Variants in TSHZ1 observed in about 807,000 individuals in gnomAD.
TSHZ1 encodes the protein teashirt homolog 1.
TSHZ1 carries 12 observed loss-of-function variants against 67.1 expected under a neutral mutation model. The ratio of observed to expected loss-of-function variants is 0.18; its 90% CI spans 0.11 to 0.29. The LOEUF (loss-of-function observed/expected upper bound fraction) is 0.29, where lower values mean the gene tolerates loss of function less well. Ranked by LOEUF, TSHZ1 falls within the 10% of genes least tolerant of loss-of-function variation. The pLI, the probability that TSHZ1 is intolerant of heterozygous loss-of-function variation, is 1.00. For missense variants in TSHZ1, 1,305 were observed against 1,413.9 expected (o/e 0.92, Z 1.23); for synonymous variants, 632 against 622.4 (o/e 1.02, Z -0.23).
At chr18:75,252,301 G>A (rs1412016040) in intron 1 of TSHZ1, among the ~76,000 whole-genome samples, 1 of 152,120 alleles carries the variant, frequency 6.6e-6, no homozygotes, top group Non-Finnish European at 1.5e-5. Flanking sequence ...ATTCCCACAA[G>A]TAAAATTACC....
chr18:75,274,472 T>C (rs2023593381), intron 1 of TSHZ1, among the ~76,000 whole-genome samples: 1 of 152,176 alleles, frequency 6.6e-6, no homozygotes, highest in Non-Finnish European at 1.5e-5. Context: ...AAGATTGTAT[T>C]CATTCCCCTG....
Position 75,288,798 on chromosome 18 carries a change from C to A in TSHZ1, c.*157C>A. ...CATATTTTGTATATTTATATGCTCTCTGTCCGATCTGTGCATGTTATTTTT... is the reference window on the plus strand; with the variant it reads ...CATATTTTGTATATTTATATGCTCTATGTCCGATCTGTGCATGTTATTTTT... On this transcript the variant is annotated 3_prime_UTR_variant, in exon 2 of 2. Coordinates refer to ENST00000580243, the MANE Select transcript of TSHZ1 (RefSeq NM_001308210.2). This position sits in a 1 kb window ranked among gnomAD's most constrained non-coding sequence, Gnocchi z 4.9. The A allele has an allele frequency of 8.3e-7, 1 of 1,209,374 alleles. No individual in the cohort carries two copies. Among genetic ancestry groups the A allele is most frequent in the Non-Finnish European group, 1.1e-6 (1 of 896,256 alleles). 74.9% of individuals were successfully genotyped at this position (1,209,374 alleles called of 1,614,324 possible).
intron 1 of TSHZ1, among the ~76,000 whole-genome samples, chr18:75,251,112 C>T (rs1244066207): frequency 6.6e-6 from 1 of 152,128 alleles, no homozygotes; most frequent in Non-Finnish European, 1.5e-5. Flanking sequence ...AAGTCAATTA[C>T]TGAAGAAAAA....
intron 1 of TSHZ1, among the ~76,000 whole-genome samples, chr18:75,227,081 C>T (rs1427601743): frequency 6.6e-6 from 1 of 152,156 alleles, no homozygotes; most frequent in Non-Finnish European, 1.5e-5. Context: ...GCCCCTGCAT[C>T]TCCCCACTTT....
At chr18:75,250,469 G>T (rs2023286416) in intron 1 of TSHZ1, among the ~76,000 whole-genome samples, 1 of 152,216 alleles carries the variant, frequency 6.6e-6, no homozygotes, top group Non-Finnish European at 1.5e-5. Context: ...CAGGGTGGGC[G>T]CAAGCCCTCC....
chr18:75,232,046 G>A (rs1304004518), intron 1 of TSHZ1, among the ~76,000 whole-genome samples: 1 of 151,966 alleles, frequency 6.6e-6, no homozygotes, highest in Non-Finnish European at 1.5e-5. Context: ...AGCCTCCCGA[G>A]TAGCTAGGAT....
At chr18:75,220,641 CTG>C (rs1358962499) in intron 1 of TSHZ1, among the ~76,000 whole-genome samples, 1 of 152,224 alleles carries the variant, frequency 6.6e-6, no homozygotes, top group Non-Finnish European at 1.5e-5. Flanking sequence ...GAAATCACAA[CTG>C]TGATGTTCTT....
intron 1 of TSHZ1, among the ~76,000 whole-genome samples, chr18:75,246,469 C>T (rs1171497329): frequency 4.8e-5 from 4 of 83,894 alleles, no homozygotes; most frequent in East Asian, 3.4e-4. Context: ...AGAGGTAGGT[C>T]ATATCCCTGT....
chr18:75,215,499 C>G (rs1053884888), intron 1 of TSHZ1, among the ~76,000 whole-genome samples: 9 of 152,166 alleles, frequency 5.9e-5, no homozygotes, highest in Non-Finnish European at 1.0e-4. Context: ...GTGGATATCT[C>G]AAATTTTGTC....
intron 1 of TSHZ1, among the ~76,000 whole-genome samples, chr18:75,238,314 T>C (rs892262143): frequency 6.6e-6 from 1 of 152,202 alleles, no homozygotes; most frequent in African/African-American, 2.4e-5. Flanking sequence ...TGACTCATGA[T>C]GGAACTCCCA....
chr18:75,286,493 C>T lies in TSHZ1; in HGVS notation c.1086C>T (p.Pro362=), dbSNP rs752188478. Residue 362 remains proline (P), a synonymous_variant, in exon 2 of 2, where the codon CCC becomes CCT. Transcript: ENST00000580243. This position sits in a 1 kb window ranked among gnomAD's most constrained non-coding sequence, Gnocchi z 5.1. ...KKRALQDLAP[P]CSPEPAGMAA... is the part of the protein sequence containing the mutation. ...GGGCGCTTCAGGACCTGGCGCCCCC[C>T]TGCTCCCCTGAGCCAGCAGGAATGG... 6.2e-7 allele frequency: 1 copy of T among 1,614,230 alleles called. No individual in the cohort carries two copies. Among genetic ancestry groups the T allele is most frequent in the Non-Finnish European group, 8.5e-7 (1 of 1,180,054 alleles).
intron 1 of TSHZ1, among the ~76,000 whole-genome samples, chr18:75,246,454 AAGAG>A (rs2023225689): frequency 1.8e-5 from 1 of 56,612 alleles, no homozygotes; most frequent in Non-Finnish European, 3.9e-5. Context: ...GTCAGAGAGA[AAGAG>A]AGAGGTAGGT....
At position 75,286,660 on chromosome 18, in the gene TSHZ1, G is replaced by A; in HGVS notation, c.1253G>A (p.Cys418Tyr). 1 of 1,614,224 alleles carries A rather than the reference G, an allele frequency of 6.2e-7. No individual in the cohort carries two copies. The highest frequency in any genetic ancestry group is 8.5e-7 in the Non-Finnish European group (1 of 1,180,036). ...GCCCGCAAGGCGCAGATCCTCAAGT[G>A]CATGGAGTGTGGCAGCTCCCACGAC... is the stretch of plus-strand genomic sequence containing the variant. ...FEARKAQILKCMECGSSHDTL... is the reference protein window; with the variant it reads ...FEARKAQILKYMECGSSHDTL... The change falls in exon 2 of 2, where the codon TGC becomes TAC. Residue 418 changes from cysteine to tyrosine, a missense_variant. By Grantham distance (194) the Cys-to-Tyr change is radical (BLOSUM62 -2). Transcript: ENST00000580243. The surrounding 1 kb of genome is among the most constrained non-coding windows in gnomAD (Gnocchi z 5.1).
chr18:75,261,771 G>C (rs1383056003), intron 1 of TSHZ1, among the ~76,000 whole-genome samples: 1 of 152,234 alleles, frequency 6.6e-6, no homozygotes, highest in Non-Finnish European at 1.5e-5. Context: ...GAAAAGACTT[G>C]CTATTGGGTA....
intron 1 of TSHZ1, among the ~76,000 whole-genome samples, chr18:75,279,619 G>A (rs917436779): frequency 7.2e-5 from 11 of 152,212 alleles, no homozygotes; most frequent in African/African-American, 2.7e-4. Flanking sequence ...TGGGGGACCT[G>A]GGGCAGAGCA....
chr18:75,257,632 G>GC (rs1456448643), intron 1 of TSHZ1, among the ~76,000 whole-genome samples: 2 of 151,992 alleles, frequency 1.3e-5, no homozygotes, highest in Admixed American at 6.6e-5. Context: ...AAAAAAAAAG[G>GC]CTGGTGTCTG....
Position 75,287,820 on chromosome 18 carries a change from A to T in TSHZ1, c.2413A>T (p.Asn805Tyr), listed in dbSNP as rs759826465. The change falls in exon 2 of 2, where the codon AAC (asparagine) becomes TAC (tyrosine). Residue 805 changes from asparagine to tyrosine, a missense_variant. Asn to Tyr is a moderately radical substitution (Grantham distance 143). Coordinates refer to ENST00000580243, the MANE Select transcript of TSHZ1 (RefSeq NM_001308210.2). The surrounding 1 kb of genome is among the most constrained non-coding windows in gnomAD (Gnocchi z 5.0). Reference sequence around the variant, plus strand: ...TGCCATCGACCGCTACTATTATGAAAACAGCGACCAGCCCATTGACTTAAC... The same window carrying T: ...TGCCATCGACCGCTACTATTATGAATACAGCGACCAGCCCATTGACTTAAC... ...ADAIDRYYYE[N>Y]SDQPIDLTKS... is the part of the protein sequence containing the mutation. The T allele has an allele frequency of 1.5e-5, 24 of 1,613,988 alleles. No individual in the cohort carries two copies. Among genetic ancestry groups the T allele is most frequent in the Non-Finnish European group, 2.0e-5 (24 of 1,180,044 alleles).
rs770358957 is a variant in TSHZ1 at position 75,286,301 on chromosome 18, G to T, written c.894G>T (p.Glu298Asp). 3 of 1,613,038 alleles carry T rather than the reference G, an allele frequency of 1.9e-6. No individual in the cohort carries two copies. The East Asian group carries it at 6.7e-5, about 36-fold the overall frequency. ...GGAAGCGCTCCCTGATGGAGATGGA[G>T]GGGAAGGAGGATGCCCAGAAGGTGC... The part of the protein sequence containing the change: ...KPRKRSLMEM[E>D]GKEDAQKVLK... The change falls in exon 2 of 2, where the codon GAG becomes GAT. Residue 298 changes from glutamate (E) to aspartate (D), a missense_variant. By Grantham distance (45) the Glu-to-Asp change is conservative. Around this residue, in one of 3 missense-constraint regions of TSHZ1, gnomAD observed 38 missense variants for 76.5 expected, o/e 0.50. Transcript: ENST00000580243. The surrounding 1 kb of genome is among the most constrained non-coding windows in gnomAD (Gnocchi z 5.1).
Position 75,225,206 on chromosome 18 carries a change from G to A in TSHZ1, c.40+13290G>A, listed in dbSNP as rs150431822. Among the ~76,000 whole-genome samples, 266 of 152,312 alleles carry A rather than the reference G, an allele frequency of 1.7e-3. 2 individuals carry two copies. The highest frequency in any genetic ancestry group is 6.0e-3 in the African/African-American group (251 of 41,566). ...TTGGGTGTGGACGTGCATGGTGGGC[G>A]CACAGGCCTCTAGGAAATGCTTCCT... On this transcript the variant is annotated intron_variant, in intron 1 of 1. Coordinates refer to ENST00000580243, the MANE Select transcript of TSHZ1 (RefSeq NM_001308210.2).
Sources: gnomAD v4.1 joint callset for allele counts (sites outside exome capture counted in the v4.1 genomes callset) on GRCh38, gnomAD v4.1.1 for gene constraint, gnomAD v4.1.1 regional missense constraint, Gnocchi (gnomAD v3.1) non-coding constraint, MANE v1.5 for transcripts, NCBI Gene and HGNC (gene_info 2026-07-23, HGNC 2026-07-21) for gene names.